Variants in RYR3 observed in about 807,000 individuals in gnomAD.
The protein encoded by RYR3 is ryanodine receptor 3.
RYR3 carries 207 observed loss-of-function variants against 584.3 expected under a neutral mutation model. The observed-to-expected ratio is 0.35, with a 90% confidence interval of 0.32 to 0.40. The LOEUF (loss-of-function observed/expected upper bound fraction) is 0.40. RYR3 is among the 10% of genes least tolerant of loss of function. The pLI, the probability that RYR3 is intolerant of heterozygous loss-of-function variation, is 1.00. For synonymous variants in RYR3, 2,416 were observed against 2,248.5 expected (o/e 1.07, Z -2.11); for missense variants, 5,616 against 6,089.2 (o/e 0.92, Z 2.59).
chr15:33,397,074 A>G (rs1357557949), intron 1 of RYR3, among the ~76,000 whole-genome samples: 1 of 152,234 alleles, frequency 6.6e-6, no homozygotes, highest in Non-Finnish European at 1.5e-5. Context: ...TTTGTTATAT[A>G]TTGTTAACTG....
intron 1 of RYR3, chr15:33,467,391 A>G: frequency 1.7e-6 from 1 of 587,648 alleles, no homozygotes; most frequent in Non-Finnish European, 2.1e-6. Context: ...CTCACAGGTG[A>G]CCCGTAGAGA....
chr15:33,514,112 G>T (rs1463132321), intron 3 of RYR3, among the ~76,000 whole-genome samples: 4 of 152,190 alleles, frequency 2.6e-5, no homozygotes, highest in East Asian at 1.9e-4. Flanking sequence ...CTTGCTGGTT[G>T]TGGTTATTCA....
chr15:33,725,976 C>CCCCCCCAAA (rs1555427643), intron 45 of RYR3, among the ~76,000 whole-genome samples: 1 of 31,516 alleles, frequency 3.2e-5, no homozygotes, highest in Non-Finnish European at 5.9e-5. Flanking sequence ...TCCCCCCCCC[C>CCCCCCCAAA]AAAAAAAAAA....
At chr15:33,767,567 C>T (rs779855303) in intron 60 of RYR3, among the ~76,000 whole-genome samples, 13 of 152,176 alleles carry the variant, frequency 8.5e-5, no homozygotes, top group Non-Finnish European at 1.8e-4. Flanking sequence ...TCCCCATCAA[C>T]ACTCAGGATA....
intron 85 of RYR3, among the ~76,000 whole-genome samples, chr15:33,830,115 A>G (rs2077589485): frequency 6.6e-6 from 1 of 152,242 alleles, no homozygotes; most frequent in African/African-American, 2.4e-5. Flanking sequence ...AGGAGTGGCA[A>G]GGTTTGAGAA....
intron 43 of RYR3, among the ~76,000 whole-genome samples, chr15:33,717,434 A>C (rs1490289639): frequency 6.6e-6 from 1 of 152,180 alleles, no homozygotes; most frequent in East Asian, 1.9e-4. Flanking sequence ...AGCATCCTTG[A>C]ATCAACTTTT....
chr15:33,611,592 A>G (rs1478358561), intron 18 of RYR3, among the ~76,000 whole-genome samples: 3 of 151,966 alleles, frequency 2.0e-5, no homozygotes, highest in South Asian at 2.1e-4. Context: ...TCCATAAAAT[A>G]TATATAACTC....
rs760207825 is a variant in RYR3, at chr15:33,562,915, T to C, written c.1051T>C (p.Ser351Pro). 3 of 1,613,838 alleles carry C rather than the reference T, an allele frequency of 1.9e-6. No homozygotes were observed. In the East Asian group the frequency reaches 6.7e-5, roughly 36 times the overall value. The change falls in exon 11 of 104, where the codon TCT (serine) becomes CCT (proline). Residue 351 changes from serine to proline, a missense_variant. Ser to Pro is a moderately conservative substitution (Grantham distance 74). Around this residue, in one of 9 missense-constraint regions of RYR3, gnomAD observed 1,284 missense variants for 1,344.6 expected, o/e 0.95. Coordinates refer to ENST00000634891, the MANE Select transcript of RYR3 (RefSeq NM_001036.6). ...MGVPEIKYGD[S>P]VCFVQHIASG... ...AGTTCCAGAAATCAAGTATGGAGAT[T>C]CTGTCTGCTTTGTGCAGCATATAGC... is the stretch of plus-strand genomic sequence containing the variant.
intron 33 of RYR3, 22 bp downstream of exon 33, chr15:33,659,828 T>C (rs1380874338): frequency 2.0e-6 from 3 of 1,489,266 alleles, no homozygotes; most frequent in Admixed American, 1.7e-5. Flanking sequence ...TCCTCTCATC[T>C]AATGGCCATG....
chr15:33,324,035 G>T (rs1038164936), intron 1 of RYR3, among the ~76,000 whole-genome samples: 2 of 152,048 alleles, frequency 1.3e-5, no homozygotes, highest in African/African-American at 4.8e-5. Flanking sequence ...TATGTCACTG[G>T]GCAGGATGTG....
At chr15:33,803,317 T>C (rs1401922573) in intron 69 of RYR3, among the ~76,000 whole-genome samples, 1 of 152,232 alleles carries the variant, frequency 6.6e-6, no homozygotes, top group Non-Finnish European at 1.5e-5. Flanking sequence ...TTTTTCAGAA[T>C]TCATTTTGCA....
At chr15:33,712,197 T>A (rs568023125) in intron 43 of RYR3, among the ~76,000 whole-genome samples, 11 of 152,174 alleles carry the variant, frequency 7.2e-5, no homozygotes, top group Non-Finnish European at 1.3e-4. Flanking sequence ...AACTCACTGT[T>A]GTGAAGACAG....
intron 93 of RYR3, among the ~76,000 whole-genome samples, chr15:33,846,631 T>C (rs190198332): frequency 3.9e-5 from 6 of 152,248 alleles, no homozygotes; most frequent in East Asian, 3.9e-4. Flanking sequence ...TATTGTGTCA[T>C]GTAGGAAGTC....
At chr15:33,401,436 G>T (rs2042658837) in intron 1 of RYR3, among the ~76,000 whole-genome samples, 1 of 152,150 alleles carries the variant, frequency 6.6e-6, no homozygotes, top group African/African-American at 2.4e-5. Context: ...CCTCTGACAA[G>T]TCTTCCAAAT....
chr15:33,706,927 C>G lies in RYR3; in HGVS notation c.6492C>G (p.Thr2164=), dbSNP rs1182669358. The change falls in exon 43 of 104, where the codon ACC becomes ACG. Residue 2164 remains threonine (T), a synonymous_variant. Coordinates refer to ENST00000634891, the MANE Select transcript of RYR3 (RefSeq NM_001036.6). The part of the protein sequence containing the change: ...LEEPDLEKVV[T]YLAGCGLQSC... ...TGTACTGTTTCTGGCAGGTGGTGAC[C>G]TACTTGGCAGGCTGTGGCCTACAGA... 2.5e-6 allele frequency: 4 copies of G among 1,605,914 alleles called. No individual in the cohort carries two copies. The highest frequency in any genetic ancestry group is 3.4e-6 in the Non-Finnish European group (4 of 1,175,758).
chr15:33,653,686 C>T (rs947600309), intron 32 of RYR3, among the ~76,000 whole-genome samples: 4 of 151,002 alleles, frequency 2.6e-5, no homozygotes, highest in Non-Finnish European at 5.9e-5. Flanking sequence ...AAAAAAAATA[C>T]ATTTATATAA....
chr15:33,436,000 TTA>T (rs2045692617), intron 1 of RYR3, among the ~76,000 whole-genome samples: 1 of 152,162 alleles, frequency 6.6e-6, no homozygotes, highest in Non-Finnish European at 1.5e-5. Context: ...TTGGTCCATT[TTA>T]CAGAGTTCTG....
chr15:33,597,061 C>A (rs2059413614), intron 16 of RYR3, among the ~76,000 whole-genome samples: 1 of 152,196 alleles, frequency 6.6e-6, no homozygotes, highest in Non-Finnish European at 1.5e-5. Context: ...GGTAATCTTA[C>A]TAAATTCAAG....
intron 1 of RYR3, among the ~76,000 whole-genome samples, chr15:33,346,623 A>T (rs1972492256): frequency 6.6e-6 from 1 of 152,200 alleles, no homozygotes; most frequent in South Asian, 2.1e-4. Flanking sequence ...AAATTCTTCA[A>T]AATGCCCTGT....
Sources: gnomAD v4.1 joint callset for allele counts (sites outside exome capture counted in the v4.1 genomes callset) on GRCh38, gnomAD v4.1.1 for gene constraint, gnomAD v4.1.1 regional missense constraint, MANE v1.5 for transcripts, NCBI Gene and HGNC (gene_info 2026-07-23, HGNC 2026-07-21) for gene names.